PTPRG: variants seen among roughly 807,000 people sequenced by gnomAD.
The protein encoded by PTPRG is protein tyrosine phosphatase receptor type G, also known as receptor-type tyrosine-protein phosphatase gamma.
Under a neutral mutation model 165.3 loss-of-function variants are expected in PTPRG, and 102 were observed. The ratio of observed to expected loss-of-function variants is 0.62; its 90% CI spans 0.53 to 0.73. The LOEUF is 0.73. Among genes scored for constraint, PTPRG ranks in the 30% least tolerant of loss-of-function variants. PTPRG has a pLI of 0.00. For missense variants in PTPRG, 1,866 were observed against 1,861.4 expected, an observed-to-expected ratio of 1.00 and a Z score of -0.05; for synonymous variants, 675 against 669.5, an observed-to-expected ratio of 1.01 and a Z score of -0.13.
intron 2 of PTPRG, among the ~76,000 whole-genome samples, chr3:61,919,051 C>T (rs72882290): frequency 7.0e-4 from 107 of 152,256 alleles, no homozygotes; most frequent in African/African-American, 2.5e-3. Flanking sequence ...GCACTTGGTT[C>T]CCTGTGCCTA....
At chr3:61,709,104 C>G (rs563780966) in intron 1 of PTPRG, among the ~76,000 whole-genome samples, 121 of 152,252 alleles carry the variant, frequency 7.9e-4, no homozygotes, top group African/African-American at 2.7e-3. Flanking sequence ...TCATCCTTCC[C>G]ACAGTCCCAC....
intron 1 of PTPRG, among the ~76,000 whole-genome samples, chr3:61,685,544 C>A (rs1217426799): frequency 1.3e-5 from 2 of 152,134 alleles, no homozygotes; most frequent in Admixed American, 6.5e-5. Flanking sequence ...ACAGGCAGAC[C>A]CCAGTAGTAC....
At chr3:61,798,623 T>TTTG (rs1297366454) in intron 2 of PTPRG, among the ~76,000 whole-genome samples, 1 of 151,490 alleles carries the variant, frequency 6.6e-6, no homozygotes, top group Admixed American at 6.6e-5. Context: ...CTGCTGGTTT[T>TTTG]TTTTTTTTTT....
At chr3:61,979,518 T>G (rs1449110568) in intron 2 of PTPRG, among the ~76,000 whole-genome samples, 1 of 152,148 alleles carries the variant, frequency 6.6e-6, no homozygotes, top group African/African-American at 2.4e-5. Context: ...CTATTTTAGA[T>G]AGTTAGGTCA....
chr3:61,728,891 AAG>A (rs1467813155), intron 1 of PTPRG, among the ~76,000 whole-genome samples: 3 of 145,664 alleles, frequency 2.1e-5, no homozygotes, highest in South Asian at 2.2e-4. Context: ...AAAAAAAAAA[AAG>A]AAAGAAAGAA....
At chr3:61,580,631 G>A (rs760218727) in intron 1 of PTPRG, among the ~76,000 whole-genome samples, 3 of 152,044 alleles carry the variant, frequency 2.0e-5, no homozygotes, top group Non-Finnish European at 4.4e-5. Flanking sequence ...CAATGCGCCC[G>A]GCCATCTGAT....
intron 2 of PTPRG, among the ~76,000 whole-genome samples, chr3:61,892,053 GAAGA>G (rs1377114198): frequency 2.0e-5 from 3 of 152,144 alleles, no homozygotes; most frequent in African/African-American, 4.8e-5. Context: ...GGACCATTTT[GAAGA>G]AAGATTTTTC....
intron 5 of PTPRG, among the ~76,000 whole-genome samples, chr3:62,094,211 T>G (rs1162489854): frequency 6.6e-6 from 1 of 152,110 alleles, no homozygotes; most frequent in African/African-American, 2.4e-5. Context: ...CTTCTGAACT[T>G]CAATATTAGG....
At position 61,844,229 on chromosome 3, in the gene PTPRG, G is replaced by A. The variant is rs139803394; in HGVS notation, c.190+95247G>A. Among the ~76,000 whole-genome samples the A allele has an allele frequency of 8.2e-3, 1,246 of 152,262 alleles. 10 individuals carry two copies. Among genetic ancestry groups the A allele is most frequent in the Middle Eastern group, 0.017 (5 of 292 alleles). On this transcript the variant is annotated intron_variant, in intron 2 of 29. Transcript: ENST00000474889. ...TCTGCCTGCCTTTGCCTCCCAAAGT[G>A]CTAGGATTACAGGCGTGAGCCACCA... is the stretch of plus-strand genomic sequence containing the variant.
At chr3:61,608,832 A>G (rs1032256622) in intron 1 of PTPRG, among the ~76,000 whole-genome samples, 1 of 152,220 alleles carries the variant, frequency 6.6e-6, no homozygotes, top group Non-Finnish European at 1.5e-5. Context: ...TCAGGGCTAG[A>G]TGATGGAAGG....
At chr3:61,577,378 C>G (rs1045436492) in intron 1 of PTPRG, among the ~76,000 whole-genome samples, 2 of 152,116 alleles carry the variant, frequency 1.3e-5, no homozygotes, top group African/African-American at 4.8e-5. Context: ...TGTGAAATGT[C>G]TATAGAGCTC....
chr3:62,105,755 A>G (rs1330205337), intron 5 of PTPRG, among the ~76,000 whole-genome samples: 1 of 152,188 alleles, frequency 6.6e-6, no homozygotes, highest in Non-Finnish European at 1.5e-5. Flanking sequence ...TTTTAGAGAT[A>G]CCATGGAGTC....
At chr3:61,693,965 G>A (rs1033346809) in intron 1 of PTPRG, among the ~76,000 whole-genome samples, 4 of 143,910 alleles carry the variant, frequency 2.8e-5, no homozygotes, top group Non-Finnish European at 4.5e-5. Context: ...CCGAGATCAC[G>A]ATACTGCACT....
chr3:61,794,010 T>C (rs150906169), intron 2 of PTPRG, among the ~76,000 whole-genome samples: 291 of 152,352 alleles, frequency 1.9e-3, no homozygotes, highest in African/African-American at 6.6e-3. Context: ...GGAAGTGACA[T>C]CCCTGGAAGT....
At chr3:61,672,800 G>GGGGAGAGAGA (rs1575580300) in intron 1 of PTPRG, among the ~76,000 whole-genome samples, 10 of 140,120 alleles carry the variant, frequency 7.1e-5, no homozygotes, top group African/African-American at 2.7e-4. Flanking sequence ...AGGGAGAGAG[G>GGGGAGAGAGA]GGGAGAGAGA....
At chr3:61,830,050 G>C (rs1324956434) in intron 2 of PTPRG, among the ~76,000 whole-genome samples, 2 of 152,234 alleles carry the variant, frequency 1.3e-5, no homozygotes, top group Admixed American at 1.3e-4. Flanking sequence ...ACTGCAGTGT[G>C]AAGACAGCAT....
At chr3:62,185,442 A>G (rs1406598108) in intron 8 of PTPRG, among the ~76,000 whole-genome samples, 1 of 152,206 alleles carries the variant, frequency 6.6e-6, no homozygotes, top group Non-Finnish European at 1.5e-5. Flanking sequence ...ATAGATAAGT[A>G]CAAGTATTGG....
At chr3:62,027,551 G>A (rs769541209) in intron 4 of PTPRG, among the ~76,000 whole-genome samples, 2 of 151,982 alleles carry the variant, frequency 1.3e-5, no homozygotes, top group African/African-American at 2.4e-5. Flanking sequence ...ATAATTTGTC[G>A]CTTACCTGAA....
chr3:61,743,175 C>T lies in PTPRG; in HGVS notation c.86-5703C>T, dbSNP rs1025272350. On this transcript the variant is annotated intron_variant, in intron 1 of 29. Coordinates refer to ENST00000474889, the MANE Select transcript of PTPRG (RefSeq NM_002841.4). ...TATTTTTATCTTTTTTTGCTTCGGG[C>T]TGGAAATGAGGTAGGCTCAGTAGAA... The T allele has an allele frequency of 1.7e-4, 141 of 817,346 alleles. No individual in the cohort carries two copies. In the East Asian group the frequency reaches 3.7e-3, roughly 22 times the overall value. 50.6% of individuals were successfully genotyped at this position (817,346 alleles called of 1,614,324 possible).
Sources: allele counts gnomAD v4.1 joint callset (sites outside exome capture counted in the v4.1 genomes callset), GRCh38; gene constraint gnomAD v4.1.1; transcripts MANE v1.5; gene names NCBI Gene and HGNC (gene_info 2026-07-23, HGNC 2026-07-21).